UNC13B: variants seen among roughly 807,000 people sequenced by gnomAD.
UNC13B encodes the protein protein unc-13 homolog B.
Under a neutral mutation model 211.0 loss-of-function variants are expected in UNC13B, and 144 were observed. The ratio of observed to expected loss-of-function variants is 0.68; its 90% CI spans 0.60 to 0.78. The LOEUF (loss-of-function observed/expected upper bound fraction) is 0.78, where lower values mean the gene tolerates loss of function less well. UNC13B is among the 30% of genes least tolerant of loss of function. The probability of loss-of-function intolerance (pLI) is 0.00; values close to 1 mark genes in which losing one functional copy is unlikely to be tolerated. For synonymous variants in UNC13B, 709 were observed against 725.8 expected (o/e 0.98, Z 0.37); for missense variants, 1,777 against 2,002.0 (o/e 0.89, Z 2.14).
At chr9:35,175,516 A>G (rs1268986002) in intron 1 of UNC13B, among the ~76,000 whole-genome samples, 1 of 152,208 alleles carries the variant, frequency 6.6e-6, no homozygotes, top group Non-Finnish European at 1.5e-5. Context: ...AGAAGGAATG[A>G]TCAGATGATA....
intron 1 of UNC13B, among the ~76,000 whole-genome samples, chr9:35,190,947 G>T (rs761208741): frequency 1.1e-4 from 17 of 152,084 alleles, no homozygotes; most frequent in Non-Finnish European, 2.2e-4. Flanking sequence ...AACCTCCAGT[G>T]TACAAGGTAT....
intron 11 of UNC13B, among the ~76,000 whole-genome samples, chr9:35,350,815 G>A (rs1279296889): frequency 6.6e-6 from 1 of 152,150 alleles, no homozygotes; most frequent in Non-Finnish European, 1.5e-5. Context: ...CACAGGCAGG[G>A]GTAAACTTTT....
At chr9:35,377,739 G>T in intron 16 of UNC13B, 44 bp downstream of exon 16, 1 of 1,586,396 alleles carries the variant, frequency 6.3e-7, no homozygotes, top group Non-Finnish European at 8.6e-7. Flanking sequence ...CCTGGGCTAT[G>T]GGGAGGAGAC....
At chr9:35,290,085 C>T (rs1464273563) in intron 7 of UNC13B, among the ~76,000 whole-genome samples, 1 of 152,066 alleles carries the variant, frequency 6.6e-6, no homozygotes, top group Non-Finnish European at 1.5e-5. Flanking sequence ...TCTTGAAATT[C>T]AATTTGGGTG....
chr9:35,292,083 T>G (rs1829127250), intron 7 of UNC13B, among the ~76,000 whole-genome samples: 1 of 152,170 alleles, frequency 6.6e-6, no homozygotes, highest in Non-Finnish European at 1.5e-5. Flanking sequence ...GGTTTTCAAG[T>G]AGAAAAAGCA....
intron 1 of UNC13B, among the ~76,000 whole-genome samples, chr9:35,207,717 T>C (rs1486903420): frequency 6.6e-6 from 1 of 152,124 alleles, no homozygotes; most frequent in Non-Finnish European, 1.5e-5. Flanking sequence ...TTTGTCTTTT[T>C]ATTGAATTGT....
chr9:35,337,912 G>C (rs1831754765), intron 11 of UNC13B, among the ~76,000 whole-genome samples: 1 of 152,204 alleles, frequency 6.6e-6, no homozygotes, highest in African/African-American at 2.4e-5. Context: ...TAGTACAAGA[G>C]GTTCATTTCT....
intron 11 of UNC13B, among the ~76,000 whole-genome samples, chr9:35,331,112 T>C (rs1177957240): frequency 6.6e-6 from 1 of 152,216 alleles, no homozygotes; most frequent in Admixed American, 6.5e-5. Flanking sequence ...TGATTCCTGC[T>C]GCTTATTTGA....
intron 24 of UNC13B, among the ~76,000 whole-genome samples, chr9:35,387,015 G>T (rs1835232728): frequency 6.6e-6 from 1 of 152,168 alleles, no homozygotes; most frequent in Non-Finnish European, 1.5e-5. Context: ...ATTCCCTTCA[G>T]TCCAACAAAT....
chr9:35,190,238 A>G (rs967710673), intron 1 of UNC13B, among the ~76,000 whole-genome samples: 1 of 152,172 alleles, frequency 6.6e-6, no homozygotes, highest in Admixed American at 6.5e-5. Flanking sequence ...CCCATCCCTC[A>G]TGGGAGTCTT....
At position 35,303,011 on chromosome 9, in the gene UNC13B, G is replaced by A. The variant is rs1829760730; in HGVS notation, c.3607G>A (p.Ala1203Thr). ...TATGATTGATCATAAACCAGAGGAAGCAAAGTTCATGTCTTTAGGCAACAT... is the reference window on the plus strand; with the variant it reads ...TATGATTGATCATAAACCAGAGGAAACAAAGTTCATGTCTTTAGGCAACAT... ...SGMIDHKPEE[A>T]KFMSLGNMKS... The change falls in exon 9 of 40, where the codon GCA becomes ACA. Residue 1203 changes from alanine (A) to threonine (T), a missense_variant. By Grantham distance (58) the Ala-to-Thr change is moderately conservative (BLOSUM62 0). Transcript: ENST00000635942. 5.0e-6 allele frequency: 2 copies of A among 398,558 alleles called. No individual in the cohort carries two copies. The highest frequency in any genetic ancestry group is 2.5e-4 in the South Asian group (2 of 7,856). 24.7% of individuals were successfully genotyped at this position (398,558 alleles called of 1,614,324 possible).
intron 11 of UNC13B, 115 bp from the exon 12 acceptor site, chr9:35,366,832 C>A: frequency 1.2e-6 from 1 of 851,342 alleles, no homozygotes; most frequent in Non-Finnish European, 2.0e-6. Flanking sequence ...GCTGTCACCA[C>A]ATGGTGAATG....
At chr9:35,237,680 A>G (rs1380104124) in intron 4 of UNC13B, 23 bp from the exon 5 acceptor site, 3 of 1,605,804 alleles carry the variant, frequency 1.9e-6, no homozygotes, top group African/African-American at 1.3e-5. Context: ...ATTAAACTTT[A>G]ATCTTAGATC....
At chr9:35,203,072 G>T (rs1823411342) in intron 1 of UNC13B, among the ~76,000 whole-genome samples, 1 of 152,190 alleles carries the variant, frequency 6.6e-6, no homozygotes, top group African/African-American at 2.4e-5. Flanking sequence ...GATTACAGGT[G>T]TGAGCCACCA....
Position 35,277,349 on chromosome 9 carries a change from C to T in UNC13B, c.526+18299C>T, listed in dbSNP as rs537657363. ...TGTGACTACTAGACTCATATTCAGG[C>T]GATTGAGACATGAGTTTGGCAATAG... On this transcript the variant is annotated intron_variant, in intron 7 of 39. Coordinates refer to ENST00000635942, the MANE Select transcript of UNC13B (RefSeq NM_001371189.2). Among the ~76,000 whole-genome samples the T allele has an allele frequency of 1.4e-4, 21 of 152,104 alleles. No individual in the cohort carries two copies. The South Asian group carries it at 1.9e-3, about 14-fold the overall frequency.
In UNC13B at chr9:35,303,697, C is replaced by A; in HGVS notation, c.4293C>A (p.Phe1431Leu). The A allele has an allele frequency of 7.5e-6, 3 of 398,692 alleles. No homozygotes were observed. The highest frequency in any genetic ancestry group is 8.9e-6 in the Non-Finnish European group (2 of 225,820). 24.7% of individuals were successfully genotyped at this position (398,692 alleles called of 1,614,324 possible). A position where few individuals can be genotyped will look rare whatever the true frequency, so the allele number is the denominator to read the frequency against. Residue 1431 changes from phenylalanine to leucine, a missense_variant, in exon 9 of 40, where the codon TTC (phenylalanine) becomes TTA (leucine). Physicochemically the swap from Phe to Leu is conservative, Grantham distance 22 (BLOSUM62 0). Transcript: ENST00000635942. Reference sequence around the variant, plus strand: ...GGTGTGACTTACCATATGAATCATTCAATCAGTTAGCATTTAATGAAGATT... The same window carrying A: ...GGTGTGACTTACCATATGAATCATTAAATCAGTTAGCATTTAATGAAGATT... Reference protein sequence around the residue: ...VIWCDLPYESFNQLAFNEDYL... With the variant: ...VIWCDLPYESLNQLAFNEDYL...
chr9:35,250,640 G>A (rs1826410319), intron 6 of UNC13B, among the ~76,000 whole-genome samples: 1 of 152,092 alleles, frequency 6.6e-6, no homozygotes, highest in African/African-American at 2.4e-5. Flanking sequence ...ACAAAATGTT[G>A]TGTGGACATA....
intron 15 of UNC13B, among the ~76,000 whole-genome samples, chr9:35,376,580 A>G (rs926415103): frequency 2.0e-5 from 3 of 152,234 alleles, no homozygotes; most frequent in African/African-American, 7.2e-5. Context: ...TGACAAAAGC[A>G]TCAGGATCTG....
At chr9:35,294,835 C>T (rs1376713577) in intron 7 of UNC13B, among the ~76,000 whole-genome samples, 5 of 152,164 alleles carry the variant, frequency 3.3e-5, no homozygotes, top group South Asian at 4.1e-4. Context: ...TTTCCAAGCA[C>T]AGCGATGATT....
Sources: gnomAD v4.1 joint callset for allele counts (sites outside exome capture counted in the v4.1 genomes callset) on GRCh38, gnomAD v4.1.1 for gene constraint, MANE v1.5 for transcripts, NCBI Gene and HGNC (gene_info 2026-07-23, HGNC 2026-07-21) for gene names.